The following TUSC3 variants were observed in gnomAD, a reference collection of about 807,000 sequenced individuals.
The protein encoded by TUSC3 is dolichyl-diphosphooligosaccharide--protein glycosyltransferase subunit TUSC3.
In TUSC3, 45 loss-of-function variants were observed where a neutral mutation model predicts 44.8. That is an observed-to-expected ratio of 1.00 (90% CI 0.79 to 1.29). TUSC3 has a LOEUF of 1.29. TUSC3 is among the 50% of genes most tolerant of loss of function. The probability of loss-of-function intolerance (pLI) is 0.00; values close to 1 mark genes in which losing one functional copy is unlikely to be tolerated. For missense variants in TUSC3, 519 were observed against 437.9 expected (o/e 1.19, Z -1.65); for synonymous variants, 212 against 152.9 (o/e 1.39, Z -2.85).
chr8:15,844,439 T>G, the TUSC3 span, among the ~76,000 whole-genome samples: 3 of 152,066 alleles, frequency 2.0e-5, no homozygotes, highest in African/African-American at 7.2e-5. Flanking sequence ...GCCTAATAAA[T>G]CAATGATAGG....
the TUSC3 span, among the ~76,000 whole-genome samples, chr8:15,809,513 C>T: frequency 0.43 from 65,735 of 151,998 alleles, 16,335 homozygotes; most frequent in Non-Finnish European, 0.57. Flanking sequence ...ATGCCTGAAA[C>T]TGTAGATTGT....
intron 6 of TUSC3, among the ~76,000 whole-genome samples, chr8:15,710,237 A>C (rs565534782): frequency 6.6e-6 from 1 of 151,948 alleles, no homozygotes; most frequent in African/African-American, 2.4e-5. Context: ...TAATTTAATA[A>C]TGCTTTATTT....
At chr8:15,448,845 T>G (rs1469587522) in intron 1 of TUSC3, among the ~76,000 whole-genome samples, 1 of 152,190 alleles carries the variant, frequency 6.6e-6, no homozygotes, top group Non-Finnish European at 1.5e-5. Flanking sequence ...CTATATATGA[T>G]GGTGATCTCA....
At chr8:15,619,871 T>G (rs1344261924) in intron 1 of TUSC3, among the ~76,000 whole-genome samples, 1 of 152,136 alleles carries the variant, frequency 6.6e-6, no homozygotes, top group Non-Finnish European at 1.5e-5. Context: ...AGATCAAGGA[T>G]AATGGACATG....
intron 1 of TUSC3, among the ~76,000 whole-genome samples, chr8:15,429,756 A>G (rs112402713): frequency 0.14 from 21,143 of 151,568 alleles, 1,763 homozygotes; most frequent in Middle Eastern, 0.21. Context: ...GGGAGAAAAG[A>G]GAGAAGAATC....
intron 2 of TUSC3, among the ~76,000 whole-genome samples, chr8:15,522,343 G>C (rs138378621): frequency 1.1e-3 from 172 of 151,460 alleles, no homozygotes; most frequent in Admixed American, 1.5e-3. Flanking sequence ...AGCAATTCTT[G>C]TGCCTAAGCC....
chr8:15,438,926 G>T (rs1044174060), intron 1 of TUSC3, among the ~76,000 whole-genome samples: 2 of 152,142 alleles, frequency 1.3e-5, no homozygotes, highest in African/African-American at 4.8e-5. Context: ...ATTTAAAATG[G>T]TGTGGTCGCA....
At chr8:15,672,565 C>A (rs1029056412) in intron 5 of TUSC3, among the ~76,000 whole-genome samples, 14 of 151,952 alleles carry the variant, frequency 9.2e-5, no homozygotes, top group Admixed American at 9.2e-4. Flanking sequence ...CCTCCATTCC[C>A]AAGTATTATG....
At chr8:15,564,898 G>T (rs1337413442) in intron 1 of TUSC3, among the ~76,000 whole-genome samples, 1 of 152,142 alleles carries the variant, frequency 6.6e-6, no homozygotes, top group Admixed American at 6.5e-5. Flanking sequence ...GAAGATAGAA[G>T]AGAAGGAGAG....
chr8:15,734,461 A>C (rs1003228020), intron 7 of TUSC3, among the ~76,000 whole-genome samples: 1 of 152,212 alleles, frequency 6.6e-6, no homozygotes, highest in African/African-American at 2.4e-5. Context: ...AATAAGAAAC[A>C]TTATATTTTA....
chr8:15,758,775 C>G (rs1812044216), intron 10 of TUSC3, among the ~76,000 whole-genome samples: 1 of 152,130 alleles, frequency 6.6e-6, no homozygotes, highest in Admixed American at 6.6e-5. Context: ...GTGGTTAACA[C>G]TTTACATAGG....
At chr8:15,627,963 A>G (rs1007975557) in intron 2 of TUSC3, among the ~76,000 whole-genome samples, 1 of 152,164 alleles carries the variant, frequency 6.6e-6, no homozygotes, top group East Asian at 1.9e-4. Context: ...GCCACTGGCC[A>G]CAGAGGTTTC....
At chr8:15,463,706 A>G (rs1014347185) in intron 1 of TUSC3, among the ~76,000 whole-genome samples, 1 of 152,142 alleles carries the variant, frequency 6.6e-6, no homozygotes, top group Admixed American at 6.6e-5. Context: ...ATTCACCTGC[A>G]TTAAAGAGAA....
intron 2 of TUSC3, among the ~76,000 whole-genome samples, chr8:15,643,903 A>AT (rs752368278): frequency 2.6e-5 from 4 of 152,022 alleles, no homozygotes; most frequent in East Asian, 1.9e-4. Context: ...TGTCTATAGA[A>AT]TTTTTTTATT....
At chr8:15,493,784 T>A (rs916913002) in intron 2 of TUSC3, among the ~76,000 whole-genome samples, 1 of 152,190 alleles carries the variant, frequency 6.6e-6, no homozygotes, top group African/African-American at 2.4e-5. Context: ...TTACATTAAG[T>A]GTACGTCTGG....
chr8:15,662,742 G>C (rs373770467), intron 5 of TUSC3, among the ~76,000 whole-genome samples: 2 of 152,066 alleles, frequency 1.3e-5, no homozygotes, highest in African/African-American at 4.8e-5. Context: ...CTGCCTGTGA[G>C]AAATGCATTG....
At chr8:15,780,832 G>A in the TUSC3 span, among the ~76,000 whole-genome samples, 1 of 152,312 alleles carries the variant, frequency 6.6e-6, no homozygotes, top group South Asian at 2.1e-4. Flanking sequence ...AGGAGCAGGG[G>A]AAACTGAGAA....
intron 2 of TUSC3, among the ~76,000 whole-genome samples, chr8:15,531,499 G>A (rs1201189548): frequency 2.6e-5 from 4 of 152,168 alleles, no homozygotes; most frequent in Non-Finnish European, 5.9e-5. Flanking sequence ...TGATCCACCT[G>A]CCTCGGCCTC....
At chr8:15,750,998 G>C (rs2604361) in intron 9 of TUSC3, among the ~76,000 whole-genome samples, 1,572 of 152,220 alleles carry the variant, frequency 0.01, 10 homozygotes, top group Middle Eastern at 0.027. Flanking sequence ...TGGGACACCA[G>C]GTGTGCTAAA....
Sources: gnomAD v4.1 joint callset for allele counts (sites outside exome capture counted in the v4.1 genomes callset) on GRCh38, gnomAD v4.1.1 for gene constraint, MANE v1.5 for transcripts, NCBI Gene and HGNC (gene_info 2026-07-23, HGNC 2026-07-21) for gene names.